Variants in KCNIP3 observed in about 807,000 individuals in gnomAD.
KCNIP3 encodes potassium voltage-gated channel interacting protein 3, also known as calsenilin.
A neutral mutation model predicts 35.0 loss-of-function variants in KCNIP3; 28 were observed. That is an observed-to-expected ratio of 0.80 (90% CI 0.59 to 1.10). The LOEUF is 1.10. Among genes scored for constraint, KCNIP3 ranks in the 50% least tolerant of loss-of-function variants. The pLI, the probability that KCNIP3 is intolerant of heterozygous loss-of-function variation, is 0.00. For synonymous variants in KCNIP3, 134 were observed against 133.8 expected (o/e 1.00, Z -0.01); for missense variants, 295 against 338.4 (o/e 0.87, Z 1.01).
At chr2:95,334,179 A>C (rs191887034) in intron 2 of KCNIP3, among the ~76,000 whole-genome samples, 1 of 152,354 alleles carries the variant, frequency 6.6e-6, no homozygotes, top group East Asian at 1.9e-4. Flanking sequence ...GGCGAGTGCC[A>C]GGGGAACACA....
chr2:95,306,971 G>A (rs1256240257), intron 1 of KCNIP3, among the ~76,000 whole-genome samples: 2 of 152,242 alleles, frequency 1.3e-5, no homozygotes, highest in Non-Finnish European at 2.9e-5. Context: ...CTCCCCAGCA[G>A]CCTGAGGGCC....
Position 95,377,424 on chromosome 2 carries a change from C to T in KCNIP3, c.447+2216C>T, listed in dbSNP as rs1680232704. Among the ~76,000 whole-genome samples, 1 of 152,250 alleles carries T rather than the reference C, an allele frequency of 6.6e-6. No homozygotes were observed. The highest frequency in any genetic ancestry group is 1.5e-5 in the Non-Finnish European group (1 of 68,050). On this transcript the variant is annotated intron_variant, in intron 5 of 8. Coordinates refer to ENST00000295225, the MANE Select transcript of KCNIP3 (RefSeq NM_013434.5). This position sits in a 1 kb window ranked among gnomAD's most constrained non-coding sequence, Gnocchi z 4.7. The stretch of plus-strand genomic sequence containing the variant: ...CTGCAAGCCCAGCAACCACATGCGA[C>T]TCCCACCCCCTCGCTGAGCACCTGC...
chr2:95,349,612 C>T (rs1679461651), intron 2 of KCNIP3, among the ~76,000 whole-genome samples: 1 of 152,142 alleles, frequency 6.6e-6, no homozygotes, highest in Non-Finnish European at 1.5e-5. Flanking sequence ...GGGGCTGAGC[C>T]CGGGGTGGTG....
At chr2:95,314,508 T>C (rs1019904289) in intron 2 of KCNIP3, among the ~76,000 whole-genome samples, 2 of 152,222 alleles carry the variant, frequency 1.3e-5, no homozygotes, top group African/African-American at 2.4e-5. Flanking sequence ...TCCTGCCTCA[T>C]TGGGGTTGCT....
At chr2:95,332,010 C>A (rs1196823725) in intron 2 of KCNIP3, among the ~76,000 whole-genome samples, 1 of 152,210 alleles carries the variant, frequency 6.6e-6, no homozygotes, top group Non-Finnish European at 1.5e-5. Flanking sequence ...TCTGGTCATC[C>A]CCGCCCCGTT....
intron 2 of KCNIP3, among the ~76,000 whole-genome samples, chr2:95,371,013 C>T (rs1384340987): frequency 6.6e-5 from 10 of 152,208 alleles, no homozygotes; most frequent in Non-Finnish European, 1.3e-4. Flanking sequence ...AAGTGATCCA[C>T]CTGCCTCGGC....
At chr2:95,359,815 C>T (rs1679745725) in intron 2 of KCNIP3, among the ~76,000 whole-genome samples, 1 of 152,230 alleles carries the variant, frequency 6.6e-6, no homozygotes, top group Non-Finnish European at 1.5e-5. Flanking sequence ...CTGAGCCACA[C>T]CCAGGCCCAC....
At chr2:95,350,290 T>G (rs1679480696) in intron 2 of KCNIP3, among the ~76,000 whole-genome samples, 1 of 152,198 alleles carries the variant, frequency 6.6e-6, no homozygotes, top group African/African-American at 2.4e-5. Context: ...CTCCACAGCC[T>G]TGTCACTCCC....
intron 1 of KCNIP3, among the ~76,000 whole-genome samples, chr2:95,306,959 G>A (rs3772041): frequency 0.77 from 117,043 of 152,206 alleles, 45,520 homozygotes; most frequent in African/African-American, 0.87. Flanking sequence ...ACCTCCTCCC[G>A]CCTCCCCAGC....
At chr2:95,383,131 ACCCG>A in intron 7 of KCNIP3, 97 bp from the exon 8 acceptor site, 6 of 295,822 alleles carry the variant, frequency 2.0e-5, no homozygotes, top group Non-Finnish European at 3.5e-5. Context: ...CCATCCACCC[ACCCG>A]CCCATCCACC....
At chr2:95,342,144 G>A (rs1430199713) in intron 2 of KCNIP3, among the ~76,000 whole-genome samples, 2 of 152,168 alleles carry the variant, frequency 1.3e-5, no homozygotes, top group Non-Finnish European at 2.9e-5. Context: ...TGGTAGCTGC[G>A]AGTGTGACCA....
intron 2 of KCNIP3, chr2:95,311,828 G>A (rs772762753): frequency 2.0e-5 from 3 of 152,214 alleles, no homozygotes; most frequent in Non-Finnish European, 2.9e-5. Context: ...TAGCACCTGT[G>A]AATGCATGAG....
At chr2:95,306,552 C>A (rs1678170403) in intron 1 of KCNIP3, among the ~76,000 whole-genome samples, 1 of 152,170 alleles carries the variant, frequency 6.6e-6, no homozygotes. Context: ...CCTAGGTAGT[C>A]AGGCAGGGCT....
At chr2:95,324,639 A>G (rs989016778) in intron 2 of KCNIP3, among the ~76,000 whole-genome samples, 25 of 148,330 alleles carry the variant, frequency 1.7e-4, no homozygotes, top group South Asian at 1.1e-3. Flanking sequence ...TTGGCCTGGC[A>G]TGGTGGCTCA....
At chr2:95,351,730 T>C (rs1212668120) in intron 2 of KCNIP3, among the ~76,000 whole-genome samples, 1 of 152,208 alleles carries the variant, frequency 6.6e-6, no homozygotes, top group East Asian at 1.9e-4. Context: ...CTGTAATCCC[T>C]GCACTTTGAG....
chr2:95,356,134 T>C (rs1679651959), intron 2 of KCNIP3, among the ~76,000 whole-genome samples: 1 of 152,266 alleles, frequency 6.6e-6, no homozygotes, highest in Non-Finnish European at 1.5e-5. Context: ...GTTGGCTGCA[T>C]AGATGTCTGC....
At chr2:95,367,104 C>T (rs1468859811) in intron 2 of KCNIP3, among the ~76,000 whole-genome samples, 1 of 151,976 alleles carries the variant, frequency 6.6e-6, no homozygotes, top group African/African-American at 2.4e-5. Context: ...GAAATCCTGT[C>T]TCTACTAAAA....
intron 2 of KCNIP3, among the ~76,000 whole-genome samples, chr2:95,327,092 C>A (rs1573493198): frequency 6.6e-6 from 1 of 152,222 alleles, no homozygotes; most frequent in South Asian, 2.1e-4. Context: ...TTCACTAGAC[C>A]TAGACTGTGC....
intron 2 of KCNIP3, among the ~76,000 whole-genome samples, chr2:95,344,545 T>C (rs1250145153): frequency 1.3e-5 from 2 of 152,220 alleles, no homozygotes; most frequent in South Asian, 2.1e-4. Flanking sequence ...GCTCAGGGTT[T>C]ATAGGCAGTC....
Sources: allele counts gnomAD v4.1 joint callset (sites outside exome capture counted in the v4.1 genomes callset), GRCh38; gene constraint gnomAD v4.1.1; non-coding constraint Gnocchi (gnomAD v3.1); transcripts MANE v1.5; gene names NCBI Gene and HGNC (gene_info 2026-07-23, HGNC 2026-07-21).